KCNQ5: variants seen among roughly 807,000 people sequenced by gnomAD.
KCNQ5 encodes the protein potassium voltage-gated channel subfamily Q member 5.
A neutral mutation model predicts 98.2 loss-of-function variants in KCNQ5; 30 were observed. That is an observed-to-expected ratio of 0.31 (90% CI 0.23 to 0.41). KCNQ5 has a LOEUF of 0.41. Ranked by LOEUF, KCNQ5 falls within the 10% of genes least tolerant of loss-of-function variation. The pLI, the probability that KCNQ5 is intolerant of heterozygous loss-of-function variation, is 1.00. For missense variants in KCNQ5, 835 were observed against 1,182.5 expected (o/e 0.71, Z 4.31); for synonymous variants, 458 against 449.4 (o/e 1.02, Z -0.24).
At chr6:72,637,412 C>A (rs1004976972) in intron 1 of KCNQ5, among the ~76,000 whole-genome samples, 1 of 151,792 alleles carries the variant, frequency 6.6e-6, no homozygotes, top group African/African-American at 2.4e-5. Context: ...TGAGTGAGTG[C>A]CCACTGCATA....
chr6:72,661,076 A>G (rs1250617426), intron 1 of KCNQ5, among the ~76,000 whole-genome samples: 1 of 152,026 alleles, frequency 6.6e-6, no homozygotes, highest in Non-Finnish European at 1.5e-5. Context: ...TTATTTTCCA[A>G]TATTTCAGAT....
chr6:73,029,349 G>C, intron 2 of KCNQ5, among the ~76,000 whole-genome samples: 1 of 152,018 alleles, frequency 6.6e-6, no homozygotes, highest in East Asian at 1.9e-4. Context: ...TGAATTCCTG[G>C]ATTCAGCTGT....
intron 10 of KCNQ5, among the ~76,000 whole-genome samples, chr6:73,142,015 A>C (rs1255409371): frequency 6.6e-6 from 1 of 152,158 alleles, no homozygotes; most frequent in Non-Finnish European, 1.5e-5. Flanking sequence ...ACCCATTACC[A>C]AGCTCAACTG....
At chr6:72,819,189 GTATAAATT>G (rs1044755316) in intron 1 of KCNQ5, among the ~76,000 whole-genome samples, 1 of 151,922 alleles carries the variant, frequency 6.6e-6, no homozygotes, top group African/African-American at 2.4e-5. Flanking sequence ...CATCGTAGGT[GTATAAATT>G]TATGGTGTAT....
At chr6:72,768,637 G>A (rs1225888947) in intron 1 of KCNQ5, among the ~76,000 whole-genome samples, 2 of 151,940 alleles carry the variant, frequency 1.3e-5, no homozygotes, top group Non-Finnish European at 2.9e-5. Context: ...TTCATTCAAC[G>A]TAATTGGAGG....
intron 3 of KCNQ5, among the ~76,000 whole-genome samples, chr6:73,053,811 C>T (rs960448216): frequency 6.6e-6 from 1 of 151,912 alleles, no homozygotes; most frequent in Non-Finnish European, 1.5e-5. Flanking sequence ...AAGAGCAGAT[C>T]GACCCCAAAG....
chr6:72,785,650 C>CAA (rs68046119), intron 1 of KCNQ5, among the ~76,000 whole-genome samples: 2 of 141,576 alleles, frequency 1.4e-5, no homozygotes, highest in Non-Finnish European at 3.1e-5. Flanking sequence ...AACTCCATCT[C>CAA]AAAAAAAAAA....
chr6:72,643,666 G>T (rs1490118807), intron 1 of KCNQ5, among the ~76,000 whole-genome samples: 1 of 151,902 alleles, frequency 6.6e-6, no homozygotes, highest in Non-Finnish European at 1.5e-5. Flanking sequence ...ACCTGGAGAG[G>T]CCAAAACACT....
rs190122058 is a variant in KCNQ5, at chr6:73,127,414, C to T, written c.1247+2902C>T. The stretch of plus-strand genomic sequence containing the variant: ...GCCCAGAGCTTGGAATCTCCTAAGT[C>T]CTTCTTCATGGTTTTTCTTTGTGTT... On this transcript the variant is annotated intron_variant, in intron 9 of 13. Transcript: ENST00000370398. Among the ~76,000 whole-genome samples, 3 of 152,298 alleles carry T rather than the reference C, an allele frequency of 2.0e-5. No individual in the cohort carries two copies. In the East Asian group the frequency reaches 5.8e-4, roughly 29 times the overall value.
At chr6:72,937,519 C>G (rs1337689157) in intron 1 of KCNQ5, among the ~76,000 whole-genome samples, 1 of 152,058 alleles carries the variant, frequency 6.6e-6, no homozygotes, top group Non-Finnish European at 1.5e-5. Flanking sequence ...AAGTATGTTT[C>G]AATAAAAAGT....
chr6:72,623,913 A>G (rs933455960), intron 1 of KCNQ5, among the ~76,000 whole-genome samples: 4 of 152,202 alleles, frequency 2.6e-5, no homozygotes, highest in African/African-American at 9.7e-5. Context: ...ATAACATGGA[A>G]GAAGGGCTGG....
At position 72,686,855 on chromosome 6, in the gene KCNQ5, G is replaced by C. The variant is rs1168697804; in HGVS notation, c.398+64268G>C. On this transcript the variant is annotated intron_variant, in intron 1 of 13. Transcript: ENST00000370398. The stretch of plus-strand genomic sequence containing the variant: ...TCTTTTAATGTTACTCAGGTGTTCT[G>C]TATCTGTTTATTTCTTCAGAAAAAA... 1.1e-4 allele frequency among the ~76,000 whole-genome samples: 16 copies of C among 150,434 alleles called. No homozygotes were observed. In the Admixed American group the frequency reaches 1.1e-3, roughly 10 times the overall value.
intron 1 of KCNQ5, among the ~76,000 whole-genome samples, chr6:72,917,714 G>T (rs926897115): frequency 5.3e-5 from 8 of 151,752 alleles, no homozygotes; most frequent in African/African-American, 1.9e-4. Context: ...CTCGTGATCC[G>T]CCTGCCTCAG....
chr6:72,972,468 A>T (rs1405344243), intron 1 of KCNQ5, among the ~76,000 whole-genome samples: 1 of 151,668 alleles, frequency 6.6e-6, no homozygotes, highest in Non-Finnish European at 1.5e-5. Context: ...GCATCTATTG[A>T]CCCATCCCCT....
chr6:73,109,535 G>T (rs1009969596), intron 6 of KCNQ5, among the ~76,000 whole-genome samples: 5 of 152,156 alleles, frequency 3.3e-5, no homozygotes, highest in Non-Finnish European at 5.9e-5. Flanking sequence ...GGAAAATAAA[G>T]AAATCTTTCC....
chr6:72,829,411 A>G (rs886495057), intron 1 of KCNQ5, among the ~76,000 whole-genome samples: 1 of 151,924 alleles, frequency 6.6e-6, no homozygotes, highest in African/African-American at 2.4e-5. Flanking sequence ...AAATGACTTT[A>G]CCACAGTGTT....
intron 2 of KCNQ5, among the ~76,000 whole-genome samples, chr6:73,019,114 A>G (rs555232894): frequency 1.3e-5 from 2 of 152,202 alleles, no homozygotes; most frequent in Admixed American, 1.3e-4. Flanking sequence ...CAGCAGCCTG[A>G]ATATTTACCA....
intron 1 of KCNQ5, among the ~76,000 whole-genome samples, chr6:72,647,490 C>T (rs1765655417): frequency 6.6e-6 from 1 of 151,662 alleles, no homozygotes; most frequent in African/African-American, 2.4e-5. Context: ...AAAGAGATGC[C>T]ATAAGATGAG....
rs542142243 is a variant in KCNQ5 at position 73,023,076 on chromosome 6, C to G, written c.490-18860C>G. Among the ~76,000 whole-genome samples, 3 of 152,224 alleles carry G rather than the reference C, an allele frequency of 2.0e-5. No individual in the cohort carries two copies. In the South Asian group the frequency reaches 6.2e-4, roughly 32 times the overall value. On this transcript the variant is annotated intron_variant, in intron 2 of 13. Transcript: ENST00000370398. ...GGAATGGAGAAGGAATAGTGGAGGGCAGGAAGAAATGGAGGCTGCTGCATT... is the reference window on the plus strand; with the variant it reads ...GGAATGGAGAAGGAATAGTGGAGGGGAGGAAGAAATGGAGGCTGCTGCATT...
Sources: gnomAD v4.1 joint callset for allele counts (sites outside exome capture counted in the v4.1 genomes callset) on GRCh38, gnomAD v4.1.1 for gene constraint, MANE v1.5 for transcripts, NCBI Gene and HGNC (gene_info 2026-07-23, HGNC 2026-07-21) for gene names.